Variants in DENND2A observed in about 807,000 individuals in gnomAD.
DENND2A encodes DENN domain-containing protein 2A.
In DENND2A, 53 loss-of-function variants were observed where a neutral mutation model predicts 105.3. The ratio of observed to expected loss-of-function variants is 0.50; its 90% CI spans 0.40 to 0.63. The LOEUF (loss-of-function observed/expected upper bound fraction) is 0.63, where lower values mean the gene tolerates loss of function less well. Ranked by LOEUF, DENND2A falls within the 30% of genes least tolerant of loss-of-function variation. DENND2A has a pLI of 0.00. For missense variants in DENND2A, 1,138 were observed against 1,279.6 expected, an observed-to-expected ratio of 0.89 and a Z score of 1.69; for synonymous variants, 522 against 508.4, an observed-to-expected ratio of 1.03 and a Z score of -0.36.
Position 140,608,781 on chromosome 7 carries a change from A to G in DENND2A, c.-247-2975T>C, listed in dbSNP as rs541563598. 5.3e-5 allele frequency among the ~76,000 whole-genome samples: 8 copies of G among 152,210 alleles called. No individual in the cohort carries two copies. The South Asian group carries it at 1.4e-3, about 28-fold the overall frequency. ...CCATGATAAACTTCATTATCACTTT[A>G]TAGTCTGGGATTGTGAGATAGAACC... On this transcript the variant is annotated intron_variant, in intron 1 of 19. Coordinates refer to ENST00000496613, the MANE Select transcript of DENND2A (RefSeq NM_015689.5).
Position 140,610,588 on chromosome 7 carries a change from T to G in DENND2A, c.-247-4782A>C, listed in dbSNP as rs1043255252. 3.3e-5 allele frequency among the ~76,000 whole-genome samples: 5 copies of G among 152,152 alleles called. No individual in the cohort carries two copies. The South Asian group carries it at 1.0e-3, about 32-fold the overall frequency. Reference sequence around the variant, plus strand: ...TCCAGGCTTATCTCTGAACACACTGTTTTTTGTTTTTTAAAGGGGCTTAGA... The same window carrying G: ...TCCAGGCTTATCTCTGAACACACTGGTTTTTGTTTTTTAAAGGGGCTTAGA... On this transcript the variant is annotated intron_variant, in intron 1 of 19. Transcript: ENST00000496613.
intron 1 of DENND2A, among the ~76,000 whole-genome samples, chr7:140,613,406 G>C (rs2130707419): frequency 1.3e-5 from 2 of 151,676 alleles, no homozygotes; most frequent in South Asian, 4.2e-4. Flanking sequence ...CGAGCGTGGT[G>C]GTGTGCACCT....
intron 12 of DENND2A, among the ~76,000 whole-genome samples, chr7:140,552,481 C>T (rs1797178672): frequency 1.3e-5 from 2 of 151,848 alleles, no homozygotes; most frequent in Non-Finnish European, 2.9e-5. Context: ...GCAGCCTCAG[C>T]CTCCTAGGCT....
intron 14 of DENND2A, among the ~76,000 whole-genome samples, chr7:140,529,061 C>T (rs1207646815): frequency 1.3e-5 from 2 of 152,126 alleles, no homozygotes; most frequent in Non-Finnish European, 2.9e-5. Flanking sequence ...GCCGAGATTG[C>T]GCCATTGCAC....
intron 3 of DENND2A, among the ~76,000 whole-genome samples, chr7:140,597,366 C>T (rs557165365): frequency 7.8e-4 from 118 of 152,228 alleles, no homozygotes; most frequent in Middle Eastern, 3.4e-3. Flanking sequence ...GAGGGTGGTG[C>T]GTCTGCCAAA....
chr7:140,544,950 C>T (rs929300345), intron 13 of DENND2A, 184 bp from the exon 14 acceptor site: 8 of 864,194 alleles, frequency 9.3e-6, no homozygotes, highest in African/African-American at 9.2e-5. Flanking sequence ...AGACGGGGGG[C>T]GGAGGAGGTA....
chr7:140,594,155 C>G (rs1306216807), intron 3 of DENND2A, among the ~76,000 whole-genome samples: 1 of 152,230 alleles, frequency 6.6e-6, no homozygotes, highest in South Asian at 2.1e-4. Flanking sequence ...TGATCCACCC[C>G]CTTCAGACTC....
rs551254853 is a variant in DENND2A at position 140,635,934 on chromosome 7, C to T, written c.-248+4570G>A. On this transcript the variant is annotated intron_variant, in intron 1 of 19. Transcript: ENST00000496613. ...GTCTGACTCTGGCTTCCCAGCATGTCGCTGTCTTTTGCATATGAAAAGTAG... is the reference window on the plus strand; with the variant it reads ...GTCTGACTCTGGCTTCCCAGCATGTTGCTGTCTTTTGCATATGAAAAGTAG... 4.6e-5 allele frequency among the ~76,000 whole-genome samples: 7 copies of T among 152,314 alleles called. No individual in the cohort carries two copies. In the South Asian group the frequency reaches 8.3e-4, roughly 18 times the overall value.
At chr7:140,595,493 G>T (rs994791207) in intron 3 of DENND2A, among the ~76,000 whole-genome samples, 3 of 152,136 alleles carry the variant, frequency 2.0e-5, no homozygotes, top group African/African-American at 7.2e-5. Flanking sequence ...TACAGGCCAG[G>T]TGTGGTGGCT....
At chr7:140,531,222 A>AT (rs1347815318) in intron 14 of DENND2A, among the ~76,000 whole-genome samples, 2 of 152,160 alleles carry the variant, frequency 1.3e-5, no homozygotes, top group South Asian at 2.1e-4. Flanking sequence ...TAAATTGTTT[A>AT]TTTTTTTATT....
At chr7:140,583,173 T>C (rs1345837355) in intron 5 of DENND2A, among the ~76,000 whole-genome samples, 2 of 151,696 alleles carry the variant, frequency 1.3e-5, no homozygotes, top group Non-Finnish European at 2.9e-5. Context: ...ATGGCCCAGC[T>C]ACTCGGGAGG....
rs60964847 is a variant in DENND2A at position 140,567,304 on chromosome 7, A to AAGAGAGAGAGAGAGAGAGAG, written c.1592-51_1592-32dup. ...TGAGGGAGGGAGAGAGAAAGAGAGA[A>AAGAGAGAGAGAGAGAGAGAG]AGAGAGAGAGAGAGAGAGAGAGAGA... On this transcript the variant is annotated intron_variant, in intron 8 of 19. Coordinates refer to ENST00000496613, the MANE Select transcript of DENND2A (RefSeq NM_015689.5). 2.6e-5 allele frequency: 17 copies of AAGAGAGAGAGAGAGAGAGAG among 659,890 alleles called. No individual in the cohort carries two copies. In the African/African-American group the frequency reaches 2.7e-4, roughly 11 times the overall value. The allele number at this position is 659,890 out of a possible 1,614,324, so 40.9% of individuals were successfully genotyped here. A position where few individuals can be genotyped will look rare whatever the true frequency, so the allele number is the denominator to read the frequency against.
intron 5 of DENND2A, among the ~76,000 whole-genome samples, chr7:140,585,067 G>A (rs545248127): frequency 3.3e-5 from 5 of 152,188 alleles, no homozygotes; most frequent in South Asian, 2.1e-4. Flanking sequence ...GGCTGGTGGC[G>A]TGTGCCTGTA....
At chr7:140,620,344 AG>A (rs1475072954) in intron 1 of DENND2A, among the ~76,000 whole-genome samples, 1 of 93,624 alleles carries the variant, frequency 1.1e-5, no homozygotes, top group African/African-American at 4.0e-5. Context: ...AATGTTTAAA[AG>A]GGGTGGGGGG....
chr7:140,527,305 A>G lies in DENND2A; in HGVS notation c.2505+13T>C. ...CCCTGCAGGGAGGGGGACAGGGCTG[A>G]GTGGGAGCTCACCTCTTCCAGCGGC... On this transcript the variant is annotated intron_variant, in intron 15 of 19. Transcript: ENST00000496613. The surrounding 1 kb of genome is among the most constrained non-coding windows in gnomAD (Gnocchi z 4.9). 6.4e-7 allele frequency: 1 copy of G among 1,568,682 alleles called. No individual in the cohort carries two copies. The highest frequency in any genetic ancestry group is 8.6e-7 in the Non-Finnish European group (1 of 1,157,878).
At chr7:140,607,475 T>G (rs181949638) in intron 1 of DENND2A, among the ~76,000 whole-genome samples, 3 of 152,168 alleles carry the variant, frequency 2.0e-5, no homozygotes, top group Admixed American at 2.0e-4. Flanking sequence ...TCCATGGAGT[T>G]CAGCTGTTCC....
At chr7:140,565,500 G>A (rs1365999823) in intron 9 of DENND2A, among the ~76,000 whole-genome samples, 1 of 152,020 alleles carries the variant, frequency 6.6e-6, no homozygotes, top group Non-Finnish European at 1.5e-5. Flanking sequence ...AGAATATGGT[G>A]GAACCTCTTT....
chr7:140,620,118 C>T (rs1413955244), intron 1 of DENND2A, among the ~76,000 whole-genome samples: 1 of 151,870 alleles, frequency 6.6e-6, no homozygotes, highest in African/African-American at 2.4e-5. Context: ...ATCGCTTGAA[C>T]CCAGGAGGCG....
chr7:140,529,086 CAG>C (rs1796165056), intron 14 of DENND2A, among the ~76,000 whole-genome samples: 1 of 152,176 alleles, frequency 6.6e-6, no homozygotes, highest in Admixed American at 6.5e-5. Context: ...GCCTGGGTGA[CAG>C]AGTGAGGCAC....
Sources: gnomAD v4.1 joint callset for allele counts (sites outside exome capture counted in the v4.1 genomes callset) on GRCh38, gnomAD v4.1.1 for gene constraint, Gnocchi (gnomAD v3.1) non-coding constraint, MANE v1.5 for transcripts, NCBI Gene and HGNC (gene_info 2026-07-23, HGNC 2026-07-21) for gene names.